CNTN4: variants seen among roughly 807,000 people sequenced by gnomAD.
CNTN4 encodes contactin 4.
A neutral mutation model predicts 122.5 loss-of-function variants in CNTN4; 77 were observed. That is an observed-to-expected ratio of 0.63 (90% CI 0.52 to 0.76). CNTN4 has a LOEUF of 0.76. CNTN4 is among the 30% of genes least tolerant of loss of function. CNTN4 has a pLI of 0.00. For synonymous variants in CNTN4, 512 were observed against 447.0 expected, an observed-to-expected ratio of 1.15 and a Z score of -1.83; for missense variants, 1,256 against 1,259.1, an observed-to-expected ratio of 1.00 and a Z score of 0.04.
At chr3:2,896,254 C>T (rs1443015432) in intron 10 of CNTN4, among the ~76,000 whole-genome samples, 1 of 151,954 alleles carries the variant, frequency 6.6e-6, no homozygotes, top group African/African-American at 2.4e-5. Flanking sequence ...AAGAAATTCT[C>T]AATATTTAAT....
intron 3 of CNTN4, among the ~76,000 whole-genome samples, chr3:2,383,238 T>G (rs1031160210): frequency 2.0e-5 from 3 of 152,146 alleles, no homozygotes; most frequent in African/African-American, 7.2e-5. Flanking sequence ...TCTTATCCAA[T>G]TACCTATCCA....
At chr3:2,816,149 T>C (rs1488102683) in intron 6 of CNTN4, among the ~76,000 whole-genome samples, 3 of 151,706 alleles carry the variant, frequency 2.0e-5, no homozygotes, top group Non-Finnish European at 4.4e-5. Context: ...GGTCAGGAGA[T>C]CGAGACCATC....
chr3:2,344,908 CA>C (rs1308890157), intron 3 of CNTN4, among the ~76,000 whole-genome samples: 1 of 152,122 alleles, frequency 6.6e-6, no homozygotes, highest in African/African-American at 2.4e-5. Context: ...GCATCTTAGC[CA>C]GAAAGAAAAG....
chr3:2,452,477 C>T (rs539410549), intron 3 of CNTN4, among the ~76,000 whole-genome samples: 3 of 152,104 alleles, frequency 2.0e-5, no homozygotes, highest in African/African-American at 7.2e-5. Flanking sequence ...ATGATTAGAG[C>T]CTAGTAATTA....
intron 2 of CNTN4, among the ~76,000 whole-genome samples, chr3:2,112,836 C>T (rs569836971): frequency 2.0e-5 from 3 of 152,244 alleles, no homozygotes; most frequent in East Asian, 1.9e-4. Context: ...GAGAGACCCC[C>T]ATCCATTTAT....
At chr3:2,438,559 C>T (rs1156751368) in intron 3 of CNTN4, among the ~76,000 whole-genome samples, 2 of 152,260 alleles carry the variant, frequency 1.3e-5, no homozygotes, top group African/African-American at 4.8e-5. Flanking sequence ...TTTGTTTATT[C>T]ATTTACTTAT....
intron 4 of CNTN4, among the ~76,000 whole-genome samples, chr3:2,589,456 T>C (rs1559275829): frequency 6.6e-6 from 1 of 152,222 alleles, no homozygotes. Flanking sequence ...CATGTGTGTC[T>C]TAGAGTATAA....
intron 4 of CNTN4, among the ~76,000 whole-genome samples, chr3:2,607,862 TA>T (rs2081326326): frequency 6.6e-6 from 1 of 152,312 alleles, no homozygotes; most frequent in South Asian, 2.1e-4. Flanking sequence ...TTCCATACGA[TA>T]GAAATATTTA....
chr3:2,680,647 C>T (rs917052691), intron 4 of CNTN4, among the ~76,000 whole-genome samples: 1 of 152,140 alleles, frequency 6.6e-6, no homozygotes, highest in Admixed American at 6.6e-5. Context: ...CCAATGATTA[C>T]ATGAATTATG....
chr3:2,623,455 A>G (rs2082068444), intron 4 of CNTN4, among the ~76,000 whole-genome samples: 1 of 152,164 alleles, frequency 6.6e-6, no homozygotes, highest in Admixed American at 6.5e-5. Context: ...GATGATATTT[A>G]GCTGTTACTG....
At chr3:2,545,407 A>G (rs2078202969) in intron 3 of CNTN4, among the ~76,000 whole-genome samples, 1 of 151,980 alleles carries the variant, frequency 6.6e-6, no homozygotes, top group South Asian at 2.1e-4. Context: ...CAGGTCCTGA[A>G]TATTTTTGTT....
At chr3:2,659,749 T>C (rs1365039281) in intron 4 of CNTN4, among the ~76,000 whole-genome samples, 2 of 152,208 alleles carry the variant, frequency 1.3e-5, no homozygotes, top group Non-Finnish European at 2.9e-5. Flanking sequence ...TGTCATAATA[T>C]CTGGTATATT....
chr3:2,484,366 C>T (rs1161453673), intron 3 of CNTN4, among the ~76,000 whole-genome samples: 5 of 152,124 alleles, frequency 3.3e-5, no homozygotes, highest in African/African-American at 9.7e-5. Context: ...GTAAAAATAA[C>T]TCATGGTTTG....
chr3:2,211,256 A>G (rs1374207149), intron 2 of CNTN4, among the ~76,000 whole-genome samples: 1 of 152,136 alleles, frequency 6.6e-6, no homozygotes, highest in African/African-American at 2.4e-5. Context: ...TCACTATCAC[A>G]AAGACAACAG....
chr3:2,425,574 G>A (rs1341392634), intron 3 of CNTN4, among the ~76,000 whole-genome samples: 1 of 152,106 alleles, frequency 6.6e-6, no homozygotes, highest in Non-Finnish European at 1.5e-5. Flanking sequence ...GGTTCCATAT[G>A]AACTTTAAAG....
At chr3:2,163,678 G>A (rs192289724) in intron 2 of CNTN4, among the ~76,000 whole-genome samples, 1 of 151,738 alleles carries the variant, frequency 6.6e-6, no homozygotes, top group Admixed American at 6.6e-5. Flanking sequence ...TCAAAAAGTG[G>A]GCAAAGGACA....
rs2080590008 is a variant in CNTN4, at chr3:2,593,286, T to A, written c.55+21728T>A. Among the ~76,000 whole-genome samples, 4 of 152,348 alleles carry A rather than the reference T, an allele frequency of 2.6e-5. No homozygotes were observed. The South Asian group carries it at 8.3e-4, about 32-fold the overall frequency. On this transcript the variant is annotated intron_variant, in intron 4 of 24. Coordinates refer to ENST00000418658, the MANE Select transcript of CNTN4 (RefSeq NM_175607.3). ...AATGTCAGGATAGCGAAATCCCACA[T>A]GTATTCAAATATTTAACTCCAATAA...
intron 10 of CNTN4, among the ~76,000 whole-genome samples, chr3:2,897,054 A>G (rs1001206327): frequency 9.2e-5 from 14 of 152,038 alleles, no homozygotes; most frequent in African/African-American, 3.1e-4. Context: ...CGAAGCGCCA[A>G]ATACTCCTGA....
At position 2,791,077 on chromosome 3, in the gene CNTN4, C is replaced by T. The variant is rs113462568; in HGVS notation, c.359-28409C>T. Among the ~76,000 whole-genome samples the T allele has an allele frequency of 8.4e-4, 128 of 152,228 alleles. 1 individual carries two copies. Among genetic ancestry groups the T allele is most frequent in the African/African-American group, 3.0e-3 (126 of 41,550 alleles). ...AACAAAGGCAGACCAAGATTTGAGT[C>T]GGCAGAATTTCAGTTTCCACAAGGA... On this transcript the variant is annotated intron_variant, in intron 6 of 24. Coordinates refer to ENST00000418658, the MANE Select transcript of CNTN4 (RefSeq NM_175607.3).
Sources: gnomAD v4.1 joint callset for allele counts (sites outside exome capture counted in the v4.1 genomes callset) on GRCh38, gnomAD v4.1.1 for gene constraint, MANE v1.5 for transcripts, NCBI Gene and HGNC (gene_info 2026-07-23, HGNC 2026-07-21) for gene names.